Variants in MTUS2 observed in about 807,000 individuals in gnomAD.
MTUS2 encodes the protein microtubule-associated tumor suppressor candidate 2.
In MTUS2, 40 loss-of-function variants were observed where a neutral mutation model predicts 114.1. The ratio of observed to expected loss-of-function variants is 0.35; its 90% CI spans 0.27 to 0.46. The LOEUF is 0.46. Ranked by LOEUF, MTUS2 falls within the 20% of genes least tolerant of loss-of-function variation. The pLI is 1.00. For synonymous variants in MTUS2, 688 were observed against 672.0 expected (o/e 1.02, Z -0.37); for missense variants, 1,679 against 1,705.4 (o/e 0.98, Z 0.27).
At chr13:28,873,577 T>C (rs1208874168) in intron 2 of MTUS2, among the ~76,000 whole-genome samples, 1 of 152,266 alleles carries the variant, frequency 6.6e-6, no homozygotes, top group African/African-American at 2.4e-5. Flanking sequence ...CCTGTCAGTG[T>C]CTTGTATCCA....
At chr13:29,158,358 CTTT>C (rs372666382) in intron 5 of MTUS2, among the ~76,000 whole-genome samples, 7 of 32,048 alleles carry the variant, frequency 2.2e-4, no homozygotes, top group African/African-American at 1.0e-3. Context: ...GTCCACCCCG[CTTT>C]TTTTTTTTTT....
At chr13:29,153,626 C>T (rs1892745796) in intron 5 of MTUS2, among the ~76,000 whole-genome samples, 1 of 152,188 alleles carries the variant, frequency 6.6e-6, no homozygotes. Flanking sequence ...ATCCACCATG[C>T]TATGGGCTCA....
chr13:28,869,479 G>A lies in MTUS2; in HGVS notation c.-243+29629G>A, dbSNP rs368595594. On this transcript the variant is annotated intron_variant, in intron 2 of 15. Transcript: ENST00000612955. ...GAATATTCGTAAAGCTTTGTTAAAA[G>A]TAGGTAGTAAAGGCCAGGCACAGTG... 1.3e-3 allele frequency among the ~76,000 whole-genome samples: 201 copies of A among 152,290 alleles called. 10 individuals are homozygous for A. The South Asian group carries it at 0.041, about 31-fold the overall frequency.
intron 2 of MTUS2, among the ~76,000 whole-genome samples, chr13:28,925,473 A>T (rs951643276): frequency 6.6e-6 from 1 of 152,228 alleles, no homozygotes; most frequent in African/African-American, 2.4e-5. Context: ...ATCATTAGCT[A>T]CTTTTAAGCA....
intron 8 of MTUS2, among the ~76,000 whole-genome samples, chr13:29,371,976 G>C (rs58299389): frequency 0.083 from 1,912 of 22,988 alleles, 34 homozygotes; most frequent in Non-Finnish European, 0.097. Context: ...CTCAACCCCC[G>C]CCCCCCCCCC....
At chr13:29,370,730 T>C (rs1256097502) in intron 8 of MTUS2, among the ~76,000 whole-genome samples, 5 of 152,198 alleles carry the variant, frequency 3.3e-5, no homozygotes. Context: ...TGGTATTCTG[T>C]TATAGAATCA....
At chr13:29,314,490 C>T (rs567599315) in intron 6 of MTUS2, among the ~76,000 whole-genome samples, 2 of 152,162 alleles carry the variant, frequency 1.3e-5, no homozygotes, top group South Asian at 4.1e-4. Context: ...AACTGTATTG[C>T]AATGATGGGG....
intron 9 of MTUS2, among the ~76,000 whole-genome samples, chr13:29,459,711 T>C (rs1879354441): frequency 6.6e-6 from 1 of 152,154 alleles, no homozygotes; most frequent in Non-Finnish European, 1.5e-5. Flanking sequence ...ATGCAAAAAA[T>C]AAAAATCAAA....
chr13:28,866,148 G>A (rs1168838823), intron 2 of MTUS2, among the ~76,000 whole-genome samples: 2 of 152,166 alleles, frequency 1.3e-5, no homozygotes, highest in Non-Finnish European at 2.9e-5. Flanking sequence ...TAGCGAGAAG[G>A]TGTTTGCTCT....
intron 5 of MTUS2, among the ~76,000 whole-genome samples, chr13:29,212,721 C>T (rs571842164): frequency 9.2e-5 from 14 of 152,390 alleles, no homozygotes; most frequent in African/African-American, 2.6e-4. Context: ...TACATAGAGT[C>T]AGGTCCAGAG....
At chr13:29,085,684 A>C (rs1565999811) in intron 4 of MTUS2, among the ~76,000 whole-genome samples, 1 of 152,078 alleles carries the variant, frequency 6.6e-6, no homozygotes, top group Admixed American at 6.6e-5. Flanking sequence ...TATCCAGTCC[A>C]CCATTCATTG....
chr13:29,209,420 A>G (rs1895329559), intron 5 of MTUS2, among the ~76,000 whole-genome samples: 2 of 151,150 alleles, frequency 1.3e-5, no homozygotes, highest in African/African-American at 4.9e-5. Flanking sequence ...GGCCATTTAC[A>G]TTCAATGTCA....
rs1339831779 is a variant in MTUS2 at position 28,929,425 on chromosome 13, C to A, written c.-243+89575C>A. On this transcript the variant is annotated intron_variant, in intron 2 of 15. Coordinates refer to ENST00000612955, the MANE Select transcript of MTUS2 (RefSeq NM_001033602.4). ...ATAAGTATTACATTATCACATGTAC[C>A]CTGAAAATATGTACATCTATTATGT... 3.3e-5 allele frequency among the ~76,000 whole-genome samples: 5 copies of A among 151,868 alleles called. No individual in the cohort carries two copies. In the East Asian group the frequency reaches 9.6e-4, roughly 29 times the overall value.
At chr13:29,323,248 G>A (rs1392769168) in intron 6 of MTUS2, among the ~76,000 whole-genome samples, 1 of 150,352 alleles carries the variant, frequency 6.7e-6, no homozygotes. Context: ...CCATTTGTAT[G>A]ATGTGGCTTT....
At chr13:29,487,743 G>A in intron 10 of MTUS2, 157 bp from the exon 11 acceptor site, 1 of 650,830 alleles carries the variant, frequency 1.5e-6, no homozygotes, top group Admixed American at 2.4e-5. Flanking sequence ...GATTCCGAGG[G>A]CTGCCACATC....
At chr13:29,000,529 A>ATTT (rs574166232) in intron 2 of MTUS2, among the ~76,000 whole-genome samples, 9 of 151,572 alleles carry the variant, frequency 5.9e-5, no homozygotes, top group Admixed American at 2.6e-4. Context: ...CACCCGGGTA[A>ATTT]TTTTTTTTGT....
intron 2 of MTUS2, among the ~76,000 whole-genome samples, chr13:28,849,812 C>T (rs908765040): frequency 9.9e-5 from 15 of 151,996 alleles, no homozygotes; most frequent in Non-Finnish European, 2.9e-5. Context: ...GCTGTTTTCC[C>T]TCTCCTCTCT....
intron 5 of MTUS2, among the ~76,000 whole-genome samples, chr13:29,170,112 G>A (rs1275609053): frequency 1.1e-3 from 1 of 930 alleles, no homozygotes; most frequent in African/African-American, 1.8e-3. Context: ...CATGGTGGAG[G>A]GACAAAGACC....
chr13:29,420,849 C>T (rs1284257235), intron 8 of MTUS2, among the ~76,000 whole-genome samples: 1 of 152,096 alleles, frequency 6.6e-6, no homozygotes. Context: ...AAGGAGGCTG[C>T]CTCTCCTGTA....
Sources: gnomAD v4.1 joint callset for allele counts (sites outside exome capture counted in the v4.1 genomes callset) on GRCh38, gnomAD v4.1.1 for gene constraint, MANE v1.5 for transcripts, NCBI Gene and HGNC (gene_info 2026-07-23, HGNC 2026-07-21) for gene names.